The following ACADL variants were observed in gnomAD, a reference collection of about 807,000 sequenced individuals.
ACADL encodes the protein acyl-CoA dehydrogenase long chain.
A neutral mutation model predicts 56.9 loss-of-function variants in ACADL; 60 were observed. The ratio of observed to expected loss-of-function variants is 1.05; its 90% CI spans 0.86 to 1.31. The LOEUF is 1.31. Among genes scored for constraint, ACADL ranks in the 50% most tolerant of loss-of-function variants. The pLI, the probability that ACADL is intolerant of heterozygous loss-of-function variation, is 0.00. For missense variants in ACADL, 484 were observed against 525.5 expected (o/e 0.92, Z 0.77); for synonymous variants, 158 against 179.7 (o/e 0.88, Z 0.97).
intron 1 of ACADL, chr2:210,224,286 G>T: frequency 1.3e-5 from 4 of 317,684 alleles, no homozygotes; most frequent in Non-Finnish European, 1.8e-5. Flanking sequence ...CCAAGGAAGA[G>T]TTAAGTATGT....
intron 9 of ACADL, 98 bp downstream of exon 9, chr2:210,195,113 A>G: frequency 6.7e-7 from 1 of 1,500,036 alleles, no homozygotes; most frequent in Admixed American, 1.7e-5. Flanking sequence ...CATTTCACAG[A>G]TTTCTTCCTT....
intron 6 of ACADL, 72 bp from the exon 7 acceptor site, chr2:210,204,754 T>A: frequency 1.6e-6 from 2 of 1,238,718 alleles, no homozygotes; most frequent in South Asian, 2.5e-5. Context: ...AATATTGAAG[T>A]GAATATTATT....
chr2:210,217,831 T>C, intron 3 of ACADL, 134 bp downstream of exon 3: 1 of 1,232,404 alleles, frequency 8.1e-7, no homozygotes, highest in Non-Finnish European at 1.2e-6. Context: ...TATAATCTTT[T>C]ACATTTTACA....
At chr2:210,206,349 T>G (rs1220892112) in intron 5 of ACADL, among the ~76,000 whole-genome samples, 1 of 152,094 alleles carries the variant, frequency 6.6e-6, no homozygotes, top group Non-Finnish European at 1.5e-5. Context: ...GAGGATCGCT[T>G]GAGTCCAGGA....
Position 210,204,692 on chromosome 2 carries a change from C to T in ACADL, c.769-10G>A. 6.4e-7 allele frequency: 1 copy of T among 1,569,182 alleles called. No homozygotes were observed. Among genetic ancestry groups the T allele is most frequent in the Non-Finnish European group, 8.8e-7 (1 of 1,139,544 alleles). On this transcript the variant is annotated splice_polypyrimidine_tract_variant and intron_variant, in intron 6 of 10. Coordinates refer to ENST00000233710, the MANE Select transcript of ACADL (RefSeq NM_001608.4). ...ATAGTTCTGCGGTATCCTAAGAGAC[C>T]ATACAAAAAATGTAGAGAATGGTCT...
chr2:210,190,506 A>C (rs559399037), intron 10 of ACADL, among the ~76,000 whole-genome samples: 34 of 152,304 alleles, frequency 2.2e-4, no homozygotes, highest in Non-Finnish European at 1.5e-5. Flanking sequence ...TTTAGTCATC[A>C]ACTAAAATTA....
rs774642882 is a variant in ACADL at position 210,188,921 on chromosome 2, G to A, written c.*40C>T. 4 of 1,417,878 alleles carry A rather than the reference G, an allele frequency of 2.8e-6. No individual in the cohort carries two copies. Among genetic ancestry groups the A allele is most frequent in the Middle Eastern group, 1.8e-4 (1 of 5,694 alleles). 87.8% of individuals were successfully genotyped at this position (1,417,878 alleles called of 1,614,324 possible). ...ATTTTATCTTGAGCAGATTTAAAAC[G>A]AGATTAGCTGTAATAGGACTCCAGG... On this transcript the variant is annotated 3_prime_UTR_variant, in exon 11 of 11. Transcript: ENST00000233710.
intron 7 of ACADL, among the ~76,000 whole-genome samples, 157 bp from the exon 8 acceptor site, chr2:210,203,601 T>C (rs1209829111): frequency 6.6e-6 from 1 of 152,212 alleles, no homozygotes; most frequent in African/African-American, 2.4e-5. Context: ...TTTATGAGAT[T>C]CTTTTGACAT....
chr2:210,188,852 AG>A lies in ACADL; in HGVS notation c.*108del. ...ATTTTATTTCCTTCTCTATAGAGAG[AG>A]CAGGTAAAAACATGTTTAGTGTTTC... On this transcript the variant is annotated 3_prime_UTR_variant, in exon 11 of 11. Transcript: ENST00000233710. 1 of 788,202 alleles carries A rather than the reference AG, an allele frequency of 1.3e-6. No individual in the cohort carries two copies. The highest frequency in any genetic ancestry group is 2.6e-5 in the East Asian group (1 of 39,158). 48.8% of individuals were successfully genotyped at this position (788,202 alleles called of 1,614,324 possible). A position where few individuals can be genotyped will look rare whatever the true frequency, so the allele number is the denominator to read the frequency against.
chr2:210,190,579 G>C (rs1688615129), intron 10 of ACADL, among the ~76,000 whole-genome samples: 1 of 152,140 alleles, frequency 6.6e-6, no homozygotes, highest in African/African-American at 2.4e-5. Flanking sequence ...ATCTAAGGCA[G>C]CTCTTCCCAG....
At chr2:210,202,426 G>A (rs1280347721) in intron 8 of ACADL, among the ~76,000 whole-genome samples, 7 of 152,094 alleles carry the variant, frequency 4.6e-5, no homozygotes, top group Non-Finnish European at 1.0e-4. Context: ...CTTCTATAAA[G>A]AACTTTTGTA....
Position 210,188,867 on chromosome 2 carries a change from G to A in ACADL, c.*94C>T, listed in dbSNP as rs1252448090. The stretch of plus-strand genomic sequence containing the variant: ...CTATAGAGAGAGCAGGTAAAAACAT[G>A]TTTAGTGTTTCCTCGCTTTCCAAGT... On this transcript the variant is annotated 3_prime_UTR_variant, in exon 11 of 11. Transcript: ENST00000233710. 6 of 878,154 alleles carry A rather than the reference G, an allele frequency of 6.8e-6. No homozygotes were observed. The East Asian group carries it at 1.5e-4, about 22-fold the overall frequency. The allele number at this position is 878,154 out of a possible 1,614,324, so 54.4% of individuals were successfully genotyped here. A position where few individuals can be genotyped will look rare whatever the true frequency, so the allele number is the denominator to read the frequency against.
chr2:210,221,503 C>T (rs1272096177), intron 1 of ACADL, among the ~76,000 whole-genome samples: 1 of 152,106 alleles, frequency 6.6e-6, no homozygotes, highest in Non-Finnish European at 1.5e-5. Context: ...TCATTTTGTA[C>T]ATTTTCAAGT....
chr2:210,203,514 C>T (rs527863799), intron 7 of ACADL, 70 bp from the exon 8 acceptor site: 89 of 916,004 alleles, frequency 9.7e-5, no homozygotes, highest in South Asian at 1.7e-4. Context: ...ATTTCAATTA[C>T]GATAAATCCT....
In ACADL at chr2:210,217,709, T is replaced by C. The variant is rs910346253; in HGVS notation, c.371+256A>G. On this transcript the variant is annotated intron_variant, in intron 3 of 10. Transcript: ENST00000233710. ...TAAGGGGGAAAAGTAACCATAAGCA[T>C]TGACAGGAAAAAAAAACTATCTCTT... 8.9e-6 allele frequency: 4 copies of C among 448,700 alleles called. No homozygotes were observed. The Admixed American group carries it at 1.5e-4, about 17-fold the overall frequency. 27.8% of individuals were successfully genotyped at this position (448,700 alleles called of 1,614,324 possible). A position where few individuals can be genotyped will look rare whatever the true frequency, so the allele number is the denominator to read the frequency against.
At chr2:210,193,193 C>G (rs1688663685) in intron 9 of ACADL, among the ~76,000 whole-genome samples, 1 of 152,094 alleles carries the variant, frequency 6.6e-6, no homozygotes, top group Non-Finnish European at 1.5e-5. Context: ...GAAAAACATG[C>G]AGTAAAGACT....
intron 4 of ACADL, among the ~76,000 whole-genome samples, chr2:210,215,203 C>G (rs770108850): frequency 3.3e-5 from 5 of 152,146 alleles, no homozygotes; most frequent in Non-Finnish European, 1.5e-5. Flanking sequence ...CCACTGCCCC[C>G]TCTCTACATT....
At chr2:210,224,849 C>T (rs1320937804) in intron 1 of ACADL, 13 of 1,044,646 alleles carry the variant, frequency 1.2e-5, no homozygotes, top group African/African-American at 1.7e-5. Context: ...TCCCAAAACG[C>T]AGGCTCCCGG....
At position 210,212,426 on chromosome 2, in the gene ACADL, G is replaced by T. The variant is rs139957436; in HGVS notation, c.537-2164C>A. ...GTGACGAGGCAACAAGGCAAGGAAC[G>T]CCAACAGCCACCAAGAAATAGAAGA... On this transcript the variant is annotated intron_variant, in intron 4 of 10. Transcript: ENST00000233710. Among the ~76,000 whole-genome samples the T allele has an allele frequency of 3.3e-5, 5 of 152,170 alleles. No homozygotes were observed. The East Asian group carries it at 9.7e-4, about 29-fold the overall frequency.
Sources: gnomAD v4.1 joint callset for allele counts (sites outside exome capture counted in the v4.1 genomes callset) on GRCh38, gnomAD v4.1.1 for gene constraint, MANE v1.5 for transcripts, NCBI Gene and HGNC (gene_info 2026-07-23, HGNC 2026-07-21) for gene names.